The following CLBA1 variants were observed in gnomAD, a reference collection of about 807,000 sequenced individuals.
The protein encoded by CLBA1 is clathrin binding box of aftiphilin containing 1, also known as uncharacterized protein CLBA1.
In CLBA1, 30 loss-of-function variants were observed where a neutral mutation model predicts 28.8. The ratio of observed to expected loss-of-function variants is 1.04; its 90% CI spans 0.78 to 1.41. The LOEUF is 1.41. Ranked by LOEUF, CLBA1 falls within the 40% of genes most tolerant of loss-of-function variation. CLBA1 has a pLI of 0.00. For missense variants in CLBA1, 451 were observed against 412.3 expected (o/e 1.09, Z -0.81); for synonymous variants, 160 against 152.8 (o/e 1.05, Z -0.35).
intron 4 of CLBA1, chr14:104,993,355 C>G: frequency 1.0e-6 from 1 of 985,392 alleles, no homozygotes. Flanking sequence ...TGCAGGGAAG[C>G]TGAGACGCCA....
intron 2 of CLBA1, among the ~76,000 whole-genome samples, chr14:105,001,149 A>G (rs1032628103): frequency 6.6e-6 from 1 of 152,114 alleles, no homozygotes; most frequent in African/African-American, 2.4e-5. Context: ...TAAGCGAAAT[A>G]AGCTGGTACA....
At position 104,991,605 on chromosome 14, in the gene CLBA1, A is replaced by G. The variant is rs1249374058; in HGVS notation, c.684A>G (p.Ile228Met). Residue 228 changes from isoleucine to methionine, a missense_variant, in exon 3 of 5, where the codon ATA (isoleucine) becomes ATG (methionine). Coordinates refer to ENST00000547315, the MANE Select transcript of CLBA1 (RefSeq NM_174891.4). ...CQENFFLVLG[I>M]DAAQKNLSGG... is the part of the protein sequence containing the mutation. ...AGAACTTCTTTCTTGTTCTCGGAAT[A>G]GATGCTGCGCAGAAGGTAGGCGGTT... The G allele has an allele frequency of 6.2e-7, 1 of 1,612,618 alleles. No homozygotes were observed. The highest frequency in any genetic ancestry group is 1.3e-5 in the African/African-American group (1 of 74,784).
At chr14:104,999,930 A>C (rs182572397), downstream of CLBA1, among the ~76,000 whole-genome samples, 722 of 152,358 alleles carry the variant, frequency 4.7e-3, 6 homozygotes, top group Non-Finnish European at 7.9e-3. Context: ...GAAGGAAATA[A>C]AACTGAGTGC....
chr14:104,987,169 C>T (rs1899888603), intron 1 of CLBA1, among the ~76,000 whole-genome samples: 1 of 152,250 alleles, frequency 6.6e-6, no homozygotes, highest in Admixed American at 6.5e-5. Context: ...CTGCACTGGC[C>T]CCAGCTCAGG....
Position 104,993,775 on chromosome 14 carries a change from C to T in CLBA1, c.816+711C>T, listed in dbSNP as rs563007290. ...TGGAGACCCAGGACCTTGGAACAGT[C>T]GGGGCTCATTGTGTACACCCAGGAG... is the stretch of plus-strand genomic sequence containing the variant. On this transcript the variant is annotated intron_variant, in intron 4 of 4. Transcript: ENST00000547315. The T allele has an allele frequency of 2.9e-5, 29 of 985,424 alleles. No homozygotes were observed. The African/African-American group carries it at 4.0e-4, about 14-fold the overall frequency. The allele number at this position is 985,424 out of a possible 1,614,324, so 61.0% of individuals were successfully genotyped here. A position where few individuals can be genotyped will look rare whatever the true frequency, so the allele number is the denominator to read the frequency against.
Position 104,994,783 on chromosome 14 carries a change from A to G in CLBA1, c.*24A>G. On this transcript the variant is annotated 3_prime_UTR_variant, in exon 5 of 5. Transcript: ENST00000547315. ...AAAATCAGGAGGACTTTGTACCTTT[A>G]TGAGGAATTTTTCATTTTCTTCCTG... is the stretch of plus-strand genomic sequence containing the variant. 2 of 1,577,012 alleles carry G rather than the reference A, an allele frequency of 1.3e-6. No individual in the cohort carries two copies. The highest frequency in any genetic ancestry group is 8.6e-7 in the Non-Finnish European group (1 of 1,160,826).
chr14:104,993,740 C>T (rs1900100155), intron 4 of CLBA1: 3 of 985,454 alleles, frequency 3.0e-6, no homozygotes, highest in Non-Finnish European at 3.6e-6. Flanking sequence ...ACCTGGTTTC[C>T]TGCTCACCCT....
downstream of CLBA1, among the ~76,000 whole-genome samples, chr14:104,997,791 CTG>C (rs1375019442): frequency 1.3e-5 from 2 of 151,842 alleles, no homozygotes; most frequent in African/African-American, 4.8e-5. Flanking sequence ...GGTGGATCAC[CTG>C]AGATCAGGAG....
chr14:105,000,118 C>A (rs984868482), downstream of CLBA1, among the ~76,000 whole-genome samples: 1 of 152,166 alleles, frequency 6.6e-6, no homozygotes, highest in African/African-American at 2.4e-5. Flanking sequence ...CCCAACACAG[C>A]CAGGAGACAG....
chr14:104,994,383 A>C (rs1900116325), intron 4 of CLBA1: 4 of 985,468 alleles, frequency 4.1e-6, no homozygotes, highest in Non-Finnish European at 4.8e-6. Flanking sequence ...GGCTGGCTGC[A>C]GGCCAGAGCC....
chr14:104,993,558 C>T (rs1019537345), intron 4 of CLBA1: 28 of 985,346 alleles, frequency 2.8e-5, no homozygotes, highest in Non-Finnish European at 3.3e-5. Context: ...AGAGTCACTT[C>T]ATCACATCAT....
chr14:104,986,452 G>C lies in CLBA1; in HGVS notation c.21G>C (p.Leu7=), dbSNP rs762800190. The C allele has an allele frequency of 1.2e-6, 2 of 1,612,670 alleles. No homozygotes were observed. The highest frequency in any genetic ancestry group is 1.1e-5 in the South Asian group (1 of 91,078). The change falls in exon 1 of 5, where the codon CTG becomes CTC. Residue 7 remains leucine (L), a synonymous_variant. Transcript: ENST00000547315. MQGRRE[L]GGEPLSDLQE... ...CCAAGATGCAAGGCCGGCGGGAGCT[G>C]GGGGGAGAGCCTTTGAGTGACCTCC...
chr14:104,998,383 C>A (rs1473606360), downstream of CLBA1, among the ~76,000 whole-genome samples: 1 of 151,436 alleles, frequency 6.6e-6, no homozygotes, highest in African/African-American at 2.4e-5. Context: ...CACTGCACTC[C>A]AGCCTGGGCA....
At chr14:104,989,211 A>G in intron 2 of CLBA1, 123 bp downstream of exon 2, 3 of 983,766 alleles carry the variant, frequency 3.0e-6, no homozygotes, top group East Asian at 2.6e-5. Flanking sequence ...GGTCCCTGCC[A>G]TCTGTGGGTC....
chr14:104,988,434 G>A (rs995547070), intron 1 of CLBA1, among the ~76,000 whole-genome samples: 9 of 151,216 alleles, frequency 6.0e-5, no homozygotes, highest in Non-Finnish European at 8.8e-5. Context: ...CCACCCGCCG[G>A]ATTCAAGCGA....
Position 104,986,174 on chromosome 14 carries a change from C to T in CLBA1, c.-258C>T, listed in dbSNP as rs545347798. ...GTGGGTCTGGTACGCGCCTCTGTGT[C>T]GGACTCCGCGCCCGCCTGCGTGGGA... is the stretch of plus-strand genomic sequence containing the variant. On this transcript the variant is annotated 5_prime_UTR_variant, in exon 1 of 5. Transcript: ENST00000547315. 161 of 549,686 alleles carry T rather than the reference C, an allele frequency of 2.9e-4. 1 individual carries two copies. The East Asian group carries it at 4.4e-3, about 15-fold the overall frequency. 34.1% of individuals were successfully genotyped at this position (549,686 alleles called of 1,614,324 possible). A position where few individuals can be genotyped will look rare whatever the true frequency, so the allele number is the denominator to read the frequency against.
rs143744901 is a variant in CLBA1, at chr14:104,995,206, CTCTG to C, written c.*454_*457del. 7.1e-3 allele frequency: 6,975 copies of C among 987,160 alleles called. 78 individuals are homozygous for C. The highest frequency in any genetic ancestry group is 0.046 in the African/African-American group (2,617 of 57,334). 61.2% of individuals were successfully genotyped at this position (987,160 alleles called of 1,614,324 possible). A position where few individuals can be genotyped will look rare whatever the true frequency, so the allele number is the denominator to read the frequency against. The stretch of plus-strand genomic sequence containing the variant: ...CAGCTGTTGAGACCGCTCAGAAACC[CTCTG>C]TCTGTCACACTCTGCCCTGGCTGCT... On this transcript the variant is annotated 3_prime_UTR_variant, in exon 5 of 5. Transcript: ENST00000547315.
At chr14:104,986,940 G>A (rs766660054) in intron 1 of CLBA1, 86 bp downstream of exon 1, 90 of 1,469,750 alleles carry the variant, frequency 6.1e-5, no homozygotes, top group Non-Finnish European at 7.8e-5. Flanking sequence ...GTGGCGTGCT[G>A]GCCAGGGAGG....
downstream of CLBA1, among the ~76,000 whole-genome samples, chr14:104,996,894 T>C (rs1309946875): frequency 1.3e-5 from 2 of 152,244 alleles, no homozygotes; most frequent in East Asian, 3.8e-4. Context: ...CTGTTCCCAC[T>C]CTGGCAACCT....
Sources: allele counts gnomAD v4.1 joint callset (sites outside exome capture counted in the v4.1 genomes callset), GRCh38; gene constraint gnomAD v4.1.1; transcripts MANE v1.5; gene names NCBI Gene and HGNC (gene_info 2026-07-23, HGNC 2026-07-21).